ANK3: variants seen among roughly 807,000 people sequenced by gnomAD.
ANK3 encodes the protein ankyrin-3.
Under a neutral mutation model 370.9 loss-of-function variants are expected in ANK3, and 57 were observed. That is an observed-to-expected ratio of 0.15 (90% CI 0.12 to 0.19). The LOEUF (loss-of-function observed/expected upper bound fraction) is 0.19. Ranked by LOEUF, ANK3 falls within the 10% of genes least tolerant of loss-of-function variation. The pLI is 1.00. For missense variants in ANK3, 4,439 were observed against 5,302.1 expected (o/e 0.84, Z 5.06); for synonymous variants, 1,929 against 1,946.3 (o/e 0.99, Z 0.23).
chr10:60,648,863 TCTGCTCCTGCTC>T lies in ANK3; in HGVS notation c.58-33651_58-33640del, dbSNP rs113110006. Among the ~76,000 whole-genome samples, 372 of 149,664 alleles carry T rather than the reference TCTGCTCCTGCTC, an allele frequency of 2.5e-3. 2 individuals carry two copies. Among genetic ancestry groups the T allele is most frequent in the South Asian group, 9.4e-3 (44 of 4,658 alleles). ...CCCTTCCAGCTATTTCCAAGCTGCT[TCTGCTCCTGCTC>T]CTGCTCCTGCTCCTGCTCCCCCAAA... On this transcript the variant is annotated intron_variant, in intron 1 of 43. Transcript: ENST00000373827.
Position 60,344,788 on chromosome 10 carries a change from A to G in ANK3, c.114+44637T>C, listed in dbSNP as rs145495993. Among the ~76,000 whole-genome samples, 590 of 152,356 alleles carry G rather than the reference A, an allele frequency of 3.9e-3. 4 individuals are homozygous for G. The highest frequency in any genetic ancestry group is 5.8e-3 in the Non-Finnish European group (397 of 68,036). ...GTACTTCACTTATTTTGTAGCCACAATAGAATCCACAGATATGTGTATCAA... is the reference window on the plus strand; with the variant it reads ...GTACTTCACTTATTTTGTAGCCACAGTAGAATCCACAGATATGTGTATCAA... On this transcript the variant is annotated intron_variant, in intron 1 of 43. Coordinates refer to ENST00000280772, the MANE Select transcript of ANK3 (RefSeq NM_020987.5).
At chr10:60,607,560 C>A (rs141489422) in intron 2 of ANK3, among the ~76,000 whole-genome samples, 86 of 152,310 alleles carry the variant, frequency 5.6e-4, no homozygotes, top group African/African-American at 2.0e-3. Context: ...CTATCTATAT[C>A]ATTTCCAAGT....
chr10:60,600,820 A>G (rs1396258958), intron 2 of ANK3, among the ~76,000 whole-genome samples: 1 of 152,192 alleles, frequency 6.6e-6, no homozygotes, highest in Non-Finnish European at 1.5e-5. Flanking sequence ...CCTGGATCAA[A>G]TAATTTGCTG....
At chr10:60,095,567 G>A (rs1589915435) in intron 28 of ANK3, among the ~76,000 whole-genome samples, 1 of 152,072 alleles carries the variant, frequency 6.6e-6, no homozygotes, top group African/African-American at 2.4e-5. Context: ...TTTTTTTGTA[G>A]AGACTGGCCC....
chr10:60,684,342 A>T (rs1238286286), intron 1 of ANK3, among the ~76,000 whole-genome samples: 1 of 152,194 alleles, frequency 6.6e-6, no homozygotes, highest in Non-Finnish European at 1.5e-5. Flanking sequence ...CCCTGGTGCC[A>T]GCGAACAGGT....
At chr10:60,397,154 T>G (rs1160191197) in intron 2 of ANK3, among the ~76,000 whole-genome samples, 1 of 150,830 alleles carries the variant, frequency 6.6e-6, no homozygotes, top group Non-Finnish European at 1.5e-5. Context: ...CTCTAGAGAA[T>G]GAAGCATTTA....
Position 60,075,847 on chromosome 10 carries a change from C to T in ANK3, c.5034G>A (p.Val1678=). 6.2e-7 allele frequency: 1 copy of T among 1,614,102 alleles called. No individual in the cohort carries two copies. Among genetic ancestry groups the T allele is most frequent in the Non-Finnish European group, 8.5e-7 (1 of 1,180,004 alleles). ...CAACTGCTGATTTAACTGGAGACAC[C>T]ACTGACTTTAAAGGTGAAGATATTA... ...APLISSPLKS[V]VSPVKSAVDV... The change falls in exon 37 of 44, where the codon GTG becomes GTA. Residue 1678 remains valine, a synonymous_variant. Transcript: ENST00000280772.
chr10:60,724,154 G>A (rs1337180464), intron 1 of ANK3, among the ~76,000 whole-genome samples: 1 of 125,146 alleles, frequency 8.0e-6, no homozygotes, highest in Admixed American at 9.0e-5. Context: ...AGCTTGCAGT[G>A]AGCCGAGATC....
intron 2 of ANK3, among the ~76,000 whole-genome samples, chr10:60,436,220 A>T (rs552767461): frequency 6.6e-6 from 1 of 152,300 alleles, no homozygotes; most frequent in African/African-American, 2.4e-5. Flanking sequence ...TCATCAGTTG[A>T]TGAGTGTTTA....
intron 1 of ANK3, among the ~76,000 whole-genome samples, chr10:60,694,022 A>G (rs542838030): frequency 0.01 from 1,581 of 152,154 alleles, 25 homozygotes; most frequent in African/African-American, 0.036. Context: ...AAGAATGTAC[A>G]ACTAGAATAA....
In ANK3 at chr10:60,724,209, CAAAAA is replaced by C. The variant is rs398013720; in HGVS notation, c.57+9049_57+9053del. ...TGGGCGACAGAGCAAGACTCCGTCTCAAAAAAAAAAAAAAAAAAAAAAAGAAATGG... is the reference window on the plus strand; with the variant it reads ...TGGGCGACAGAGCAAGACTCCGTCTCAAAAAAAAAAAAAAAAAAGAAATGG... On this transcript the variant is annotated intron_variant, in intron 1 of 43. Coordinates refer to the ANK3 transcript ENST00000373827. 1.3e-4 allele frequency among the ~76,000 whole-genome samples: 7 copies of C among 54,608 alleles called. No individual in the cohort carries two copies. In the South Asian group the frequency reaches 4.6e-3, roughly 36 times the overall value. 35.8% of individuals were successfully genotyped at this position (54,608 alleles called of 152,430 possible). A position where few individuals can be genotyped will look rare whatever the true frequency, so the allele number is the denominator to read the frequency against.
chr10:60,314,863 A>G (rs181128130), intron 1 of ANK3, among the ~76,000 whole-genome samples: 1 of 152,342 alleles, frequency 6.6e-6, no homozygotes, highest in East Asian at 1.9e-4. Context: ...AACTGGACAT[A>G]AACTATGAAG....
At chr10:60,359,343 C>G (rs2058267114) in intron 1 of ANK3, among the ~76,000 whole-genome samples, 2 of 152,172 alleles carry the variant, frequency 1.3e-5, no homozygotes, top group Non-Finnish European at 2.9e-5. Flanking sequence ...AAGCATATGC[C>G]TCACACCTTG....
intron 23 of ANK3, among the ~76,000 whole-genome samples, chr10:60,153,776 C>G (rs927127659): frequency 2.6e-5 from 4 of 152,160 alleles, no homozygotes; most frequent in Non-Finnish European, 4.4e-5. Context: ...AATTCATCAA[C>G]TATTCCTTGA....
chr10:60,174,360 C>T lies in ANK3; in HGVS notation c.2185-1174G>A, dbSNP rs114158368. ...TAGGAAACTGACTTACAACCTCTAACGCTACTGAATACACGATGGAAGATA... is the reference window on the plus strand; with the variant it reads ...TAGGAAACTGACTTACAACCTCTAATGCTACTGAATACACGATGGAAGATA... On this transcript the variant is annotated intron_variant, in intron 18 of 43. Coordinates refer to ENST00000280772, the MANE Select transcript of ANK3 (RefSeq NM_020987.5). Among the ~76,000 whole-genome samples, 169 of 152,290 alleles carry T rather than the reference C, an allele frequency of 1.1e-3. 1 individual carries two copies. Among genetic ancestry groups the T allele is most frequent in the African/African-American group, 3.8e-3 (158 of 41,558 alleles).
intron 1 of ANK3, among the ~76,000 whole-genome samples, chr10:60,660,934 A>ACACACACACACACACACCC (rs373156861): frequency 6.6e-6 from 1 of 151,854 alleles, no homozygotes; most frequent in African/African-American, 2.4e-5. Context: ...ACACACACAC[A>ACACACACACACACACACCC]CCCCACATCT....
chr10:60,341,001 T>C (rs1345524821), intron 1 of ANK3, among the ~76,000 whole-genome samples: 1 of 152,182 alleles, frequency 6.6e-6, no homozygotes, highest in Non-Finnish European at 1.5e-5. Context: ...CCCAGGGTTA[T>C]TTGACTCCAG....
chr10:60,059,594 T>C, intron 40 of ANK3, 164 bp from the exon 41 acceptor site: 1 of 1,357,456 alleles, frequency 7.4e-7, no homozygotes, highest in Non-Finnish European at 1.0e-6. Context: ...GACCAGATTT[T>C]CCTTTCTCCT....
intron 1 of ANK3, among the ~76,000 whole-genome samples, chr10:60,333,730 C>G (rs2052050331): frequency 6.6e-6 from 1 of 152,176 alleles, no homozygotes. Context: ...ACACTGTCTT[C>G]CACAATGGTT....
Sources: allele counts gnomAD v4.1 joint callset (sites outside exome capture counted in the v4.1 genomes callset), GRCh38; gene constraint gnomAD v4.1.1; transcripts MANE v1.5; gene names NCBI Gene and HGNC (gene_info 2026-07-23, HGNC 2026-07-21).